GRIK2: variants seen among roughly 807,000 people sequenced by gnomAD.
The protein encoded by GRIK2 is glutamate receptor ionotropic, kainate 2.
Under a neutral mutation model 100.3 loss-of-function variants are expected in GRIK2, and 32 were observed. That is an observed-to-expected ratio of 0.32 (90% CI 0.24 to 0.43). The LOEUF is 0.43. Ranked by LOEUF, GRIK2 falls within the 20% of genes least tolerant of loss-of-function variation. The pLI, the probability that GRIK2 is intolerant of heterozygous loss-of-function variation, is 1.00. For synonymous variants in GRIK2, 417 were observed against 389.4 expected (o/e 1.07, Z -0.83); for missense variants, 843 against 1,114.9 (o/e 0.76, Z 3.47).
chr6:101,969,973 A>G (rs1215940700), intron 14 of GRIK2, among the ~76,000 whole-genome samples: 2 of 151,882 alleles, frequency 1.3e-5, no homozygotes, highest in African/African-American at 2.4e-5. Flanking sequence ...TTTTTCCTAT[A>G]ATGTTCTCAA....
chr6:101,953,809 A>G (rs1582606284), intron 14 of GRIK2, among the ~76,000 whole-genome samples: 1 of 152,122 alleles, frequency 6.6e-6, no homozygotes, highest in Non-Finnish European at 1.5e-5. Context: ...TTTTGATGTT[A>G]TATCAAAGGA....
intron 2 of GRIK2, among the ~76,000 whole-genome samples, chr6:101,463,268 C>A (rs867481890): frequency 1.3e-5 from 2 of 152,050 alleles, no homozygotes; most frequent in Non-Finnish European, 2.9e-5. Context: ...AAACTGTAGT[C>A]TATACCTAAA....
chr6:101,904,161 A>T (rs1288521459), intron 12 of GRIK2, among the ~76,000 whole-genome samples: 1 of 31,274 alleles, frequency 3.2e-5, no homozygotes, highest in Non-Finnish European at 6.5e-5. Context: ...TTAACATATA[A>T]GTTCACTTCA....
intron 2 of GRIK2, among the ~76,000 whole-genome samples, chr6:101,580,979 T>C (rs1778053608): frequency 6.6e-6 from 1 of 152,056 alleles, no homozygotes; most frequent in Non-Finnish European, 1.5e-5. Flanking sequence ...TCCATAACAA[T>C]AATTACCCTC....
At chr6:101,964,783 C>A (rs1467710360) in intron 14 of GRIK2, among the ~76,000 whole-genome samples, 1 of 152,066 alleles carries the variant, frequency 6.6e-6, no homozygotes, top group African/African-American at 2.4e-5. Flanking sequence ...AGCTCAAAGA[C>A]TTTTTACTTA....
intron 12 of GRIK2, among the ~76,000 whole-genome samples, chr6:101,909,802 A>T (rs1383557169): frequency 6.6e-6 from 1 of 151,258 alleles, no homozygotes; most frequent in Non-Finnish European, 1.5e-5. Flanking sequence ...AGATATATAT[A>T]GATTAATTCT....
intron 11 of GRIK2, among the ~76,000 whole-genome samples, chr6:101,864,581 C>T (rs1018804045): frequency 2.6e-5 from 4 of 152,204 alleles, no homozygotes; most frequent in African/African-American, 9.6e-5. Flanking sequence ...GACATGAATG[C>T]ATTGCATAGG....
intron 9 of GRIK2, among the ~76,000 whole-genome samples, chr6:101,805,327 A>G (rs1780930182): frequency 6.6e-6 from 1 of 151,124 alleles, no homozygotes; most frequent in South Asian, 2.1e-4. Context: ...AAAAAAAAAA[A>G]GTGCAGGGCA....
chr6:101,929,727 A>G (rs1469548003), intron 14 of GRIK2, among the ~76,000 whole-genome samples: 3 of 152,154 alleles, frequency 2.0e-5, no homozygotes, highest in South Asian at 2.1e-4. Flanking sequence ...TAACTTTAAA[A>G]TAAATTTCTG....
intron 2 of GRIK2, among the ~76,000 whole-genome samples, chr6:101,484,670 G>A (rs1772721642): frequency 6.6e-6 from 1 of 151,922 alleles, no homozygotes; most frequent in South Asian, 2.1e-4. Context: ...CAAAGGCAGT[G>A]AAAGCTTCAT....
At chr6:101,754,910 A>G (rs967070175) in intron 7 of GRIK2, among the ~76,000 whole-genome samples, 7 of 152,194 alleles carry the variant, frequency 4.6e-5, no homozygotes, top group African/African-American at 1.7e-4. Flanking sequence ...ACAAAGACAG[A>G]TGAAAAGAGG....
chr6:101,462,618 T>G (rs1771385608), intron 2 of GRIK2, among the ~76,000 whole-genome samples: 1 of 152,232 alleles, frequency 6.6e-6, no homozygotes, highest in African/African-American at 2.4e-5. Context: ...GATCTGCTTT[T>G]ATCTGTGCTC....
chr6:101,417,408 A>G (rs1776203603), intron 2 of GRIK2, among the ~76,000 whole-genome samples: 1 of 152,162 alleles, frequency 6.6e-6, no homozygotes, highest in Non-Finnish European at 1.5e-5. Flanking sequence ...GAGCCTATAC[A>G]ACCTCAGCAC....
intron 4 of GRIK2, among the ~76,000 whole-genome samples, chr6:101,652,591 A>C (rs1781853192): frequency 6.6e-6 from 1 of 152,202 alleles, no homozygotes; most frequent in Admixed American, 6.6e-5. Context: ...AAATGAAGTG[A>C]TAGATGGCAG....
chr6:101,626,059 T>C (rs982083520), intron 3 of GRIK2, among the ~76,000 whole-genome samples: 1 of 152,240 alleles, frequency 6.6e-6, no homozygotes, highest in African/African-American at 2.4e-5. Context: ...TCCCCTCATA[T>C]AAACTAGTCT....
chr6:102,006,390 A>ATATATATATATATTTTTTTTT (rs1315524835), intron 14 of GRIK2, among the ~76,000 whole-genome samples: 2 of 114,104 alleles, frequency 1.8e-5, no homozygotes, highest in Non-Finnish European at 3.3e-5. Flanking sequence ...ATATATATAT[A>ATATATATATATATTTTTTTTT]TTTTTTTTTT....
chr6:102,026,144 A>G (rs1769692362), intron 14 of GRIK2, among the ~76,000 whole-genome samples: 1 of 108,358 alleles, frequency 9.2e-6, no homozygotes, highest in Admixed American at 9.6e-5. Flanking sequence ...ATATATATAT[A>G]TATATATATA....
At chr6:101,550,283 G>T (rs1324536593) in intron 2 of GRIK2, among the ~76,000 whole-genome samples, 2 of 152,100 alleles carry the variant, frequency 1.3e-5, no homozygotes, top group Admixed American at 6.5e-5. Context: ...TCTTTGGAAA[G>T]AAATTTATTG....
chr6:101,549,363 C>T (rs560703676), intron 2 of GRIK2, among the ~76,000 whole-genome samples: 58 of 150,774 alleles, frequency 3.8e-4, no homozygotes, highest in Admixed American at 2.2e-3. Context: ...TGGCATTTCA[C>T]GGAGACAGAT....
Sources: allele counts gnomAD v4.1 joint callset (sites outside exome capture counted in the v4.1 genomes callset), GRCh38; gene constraint gnomAD v4.1.1; transcripts MANE v1.5; gene names NCBI Gene and HGNC (gene_info 2026-07-23, HGNC 2026-07-21).